Variants in PEX1 observed in about 807,000 individuals in gnomAD.
The protein encoded by PEX1 is peroxisomal ATPase PEX1.
Under a neutral mutation model 152.5 loss-of-function variants are expected in PEX1, and 97 were observed. That is an observed-to-expected ratio of 0.64 (90% CI 0.54 to 0.75). The LOEUF is 0.75. Among genes scored for constraint, PEX1 ranks in the 30% least tolerant of loss-of-function variants. The pLI is 0.00. For synonymous variants in PEX1, 485 were observed against 531.6 expected, an observed-to-expected ratio of 0.91 and a Z score of 1.21; for missense variants, 1,357 against 1,516.3, an observed-to-expected ratio of 0.89 and a Z score of 1.74.
At chr7:92,514,032 C>G (rs560264310) in intron 5 of PEX1, 65 bp from the exon 6 acceptor site, 14 of 1,029,624 alleles carry the variant, frequency 1.4e-5, no homozygotes, top group Non-Finnish European at 2.0e-5. Context: ...TATTTCATAG[C>G]ATAAATATTG....
Position 92,489,903 on chromosome 7 carries a change from T to C in PEX1, c.3447A>G (p.Gln1149=), listed in dbSNP as rs781059210. 9 of 1,613,042 alleles carry C rather than the reference T, an allele frequency of 5.6e-6. No homozygotes were observed. The highest frequency in any genetic ancestry group is 1.7e-4 in the Middle Eastern group (1 of 6,050). ...GNGTSSDLSS[Q]CLSAPSSMTQ... ...TCATGGAGCTTGGTGCAGAGAGACA[T>C]TGTGAGCTCTGCATGGTAAATTGTA... is the stretch of plus-strand genomic sequence containing the variant. Residue 1149 remains glutamine (Q), a synonymous_variant, in exon 22 of 24, where the codon CAA becomes CAG. Transcript: ENST00000248633.
intron 15 of PEX1, among the ~76,000 whole-genome samples, chr7:92,501,153 C>T (rs968922367): frequency 4.6e-5 from 7 of 152,056 alleles, no homozygotes; most frequent in Non-Finnish European, 7.4e-5. Flanking sequence ...AGCAAGACTC[C>T]GTCTCTAAGA....
chr7:92,514,271 C>CT (rs1792618390), intron 5 of PEX1, among the ~76,000 whole-genome samples: 1 of 152,152 alleles, frequency 6.6e-6, no homozygotes, highest in South Asian at 2.1e-4. Flanking sequence ...CTAATACGAT[C>CT]ACCTTGGGAG....
intron 1 of PEX1, 119 bp from the exon 2 acceptor site, chr7:92,522,364 G>C: frequency 1.1e-6 from 1 of 940,086 alleles, no homozygotes; most frequent in Non-Finnish European, 1.6e-6. Flanking sequence ...ATAGTTCTCT[G>C]TTATCTACAT....
Position 92,507,974 on chromosome 7 carries a change from T to A in PEX1, c.1671-848A>T, listed in dbSNP as rs149583321. On this transcript the variant is annotated intron_variant, in intron 9 of 23. Coordinates refer to ENST00000248633, the MANE Select transcript of PEX1 (RefSeq NM_000466.3). ...CTTTTAAAATTAGTTTTATTACTTT[T>A]AAAATATGCAGTTACTAAAAGTTTT... is the stretch of plus-strand genomic sequence containing the variant. Among the ~76,000 whole-genome samples the A allele has an allele frequency of 3.9e-3, 596 of 152,240 alleles. 2 individuals are homozygous for A. The highest frequency in any genetic ancestry group is 0.014 in the African/African-American group (581 of 41,540).
chr7:92,522,611 C>G (rs990797262), intron 1 of PEX1, among the ~76,000 whole-genome samples: 1 of 152,208 alleles, frequency 6.6e-6, no homozygotes, highest in Admixed American at 6.5e-5. Flanking sequence ...CAAAAGCTAT[C>G]TGTGCAGTAT....
rs376770613 is a variant in PEX1 at position 92,513,622 on chromosome 7, T to C, written c.1359+226A>G. Among the ~76,000 whole-genome samples the C allele has an allele frequency of 7.3e-4, 111 of 152,254 alleles. 2 individuals are homozygous for C. The highest frequency in any genetic ancestry group is 2.6e-3 in the African/African-American group (106 of 41,546). ...TGGGGTGATGGAAAAGTTCTGGATA[T>C]AGATAGTGGTGATGGTTGTACAATA... On this transcript the variant is annotated intron_variant, in intron 6 of 23. Transcript: ENST00000248633.
chr7:92,498,652 A>T (rs1159274871), intron 16 of PEX1, among the ~76,000 whole-genome samples: 1 of 152,224 alleles, frequency 6.6e-6, no homozygotes, highest in African/African-American at 2.4e-5. Flanking sequence ...AAGATACTGG[A>T]TCTGCGACCA....
intron 13 of PEX1, 113 bp downstream of exon 13, chr7:92,502,928 C>T (rs569549082): frequency 5.5e-6 from 5 of 901,506 alleles, no homozygotes; most frequent in Non-Finnish European, 8.9e-6. Context: ...ACTTACATAT[C>T]CTTAAAATCA....
At position 92,506,199 on chromosome 7, in the gene PEX1, GTCTT is replaced by G. The variant is rs749172761; in HGVS notation, c.1900+45_1900+48del. ...TGACAGCATTATGTATAACATTCCTGTCTTTCTAATGAAAAAGGGATTTATATAG... is the reference window on the plus strand; with the variant it reads ...TGACAGCATTATGTATAACATTCCTGTCTAATGAAAAAGGGATTTATATAG... On this transcript the variant is annotated intron_variant, in intron 11 of 23. Transcript: ENST00000248633. The G allele has an allele frequency of 1.6e-5, 16 of 970,566 alleles. No homozygotes were observed. The East Asian group carries it at 3.3e-4, about 20-fold the overall frequency. 60.1% of individuals were successfully genotyped at this position (970,566 alleles called of 1,614,324 possible).
intron 6 of PEX1, among the ~76,000 whole-genome samples, 193 bp downstream of exon 6, chr7:92,513,655 T>C (rs988821018): frequency 6.6e-6 from 1 of 152,186 alleles, no homozygotes; most frequent in Non-Finnish European, 1.5e-5. Context: ...ATATTATGAA[T>C]GTAATTAATG....
intron 12 of PEX1, among the ~76,000 whole-genome samples, chr7:92,504,262 G>C (rs1412230964): frequency 6.6e-6 from 1 of 151,806 alleles, no homozygotes; most frequent in Non-Finnish European, 1.5e-5. Context: ...TCCATTTATT[G>C]ACCTGTAAAG....
chr7:92,508,243 TGA>T (rs1792293120), intron 9 of PEX1, among the ~76,000 whole-genome samples: 2 of 152,168 alleles, frequency 1.3e-5, no homozygotes, highest in African/African-American at 4.8e-5. Flanking sequence ...CATGATCACA[TGA>T]GAGTCTGAAG....
chr7:92,492,782 T>C (rs1791409115), intron 20 of PEX1, among the ~76,000 whole-genome samples, 171 bp downstream of exon 20: 1 of 152,232 alleles, frequency 6.6e-6, no homozygotes, highest in East Asian at 1.9e-4. Flanking sequence ...TTATAAATTC[T>C]CTGCAAAACC....
rs1196074496 is a variant in PEX1, at chr7:92,528,467, C to T, written c.-32G>A. ...GGAGCGTCGCTCTGGGTTCGCCCAC[C>T]CTAGCGCCGCAAAGGACCCGGGACC... On this transcript the variant is annotated 5_prime_UTR_variant, in exon 1 of 24. Transcript: ENST00000248633. 7.1e-6 allele frequency: 11 copies of T among 1,550,756 alleles called. No individual in the cohort carries two copies. Among genetic ancestry groups the T allele is most frequent in the Non-Finnish European group, 9.6e-6 (11 of 1,149,628 alleles).
At position 92,517,729 on chromosome 7, in the gene PEX1, C is replaced by T. The variant is rs770453102; in HGVS notation, c.786G>A (p.Glu262=). 28 of 1,609,982 alleles carry T rather than the reference C, an allele frequency of 1.7e-5. No homozygotes were observed. In the African/African-American group the frequency reaches 3.5e-4, roughly 20 times the overall value. The change falls in exon 5 of 24, where the codon GAG becomes GAA. Residue 262 remains glutamate (E), a synonymous_variant. Transcript: ENST00000248633. ...IFSFQSEKKQ[E]TSWGLTEINA... ...TGATTTCAGTTAAACCCCAAGATGTCTCTTGTTTCTTCTCAGATTGAAAGG... is the reference window on the plus strand; with the variant it reads ...TGATTTCAGTTAAACCCCAAGATGTTTCTTGTTTCTTCTCAGATTGAAAGG...
Position 92,522,250 on chromosome 7 carries a change from T to A in PEX1, c.130-5A>T, listed in dbSNP as rs764946946. The A allele has an allele frequency of 4.3e-6, 7 of 1,613,714 alleles. No homozygotes were observed. The highest frequency in any genetic ancestry group is 5.9e-6 in the Non-Finnish European group (7 of 1,179,880). On this transcript the variant is annotated splice_polypyrimidine_tract_variant and splice_region_variant and intron_variant, in intron 1 of 23. Transcript: ENST00000248633. Reference sequence around the variant, plus strand: ...GACCACTTCTATAGCTTGATTCTATTCATATAAGAAATGAGAGGAAAAAAG... The same window carrying A: ...GACCACTTCTATAGCTTGATTCTATACATATAAGAAATGAGAGGAAAAAAG...
intron 17 of PEX1, among the ~76,000 whole-genome samples, chr7:92,495,229 C>T (rs183458502): frequency 9.2e-5 from 14 of 151,952 alleles, no homozygotes; most frequent in African/African-American, 3.1e-4. Flanking sequence ...AATTTTAATT[C>T]AAAATAAGTG....
Position 92,513,852 on chromosome 7 carries a change from TTC to T in PEX1, c.1353_1354del (p.Asn452PhefsTer3). On this transcript the variant is annotated frameshift_variant, in exon 6 of 24. Coordinates refer to ENST00000248633, the MANE Select transcript of PEX1 (RefSeq NM_000466.3). LOFTEE classifies it high-confidence loss of function. ...AACATATATATTTGAACTCACTAAATTCTCTCTAGGTTGTAACTTTAGAGATC... is the reference window on the plus strand; with the variant it reads ...AACATATATATTTGAACTCACTAAATTCTCTAGGTTGTAACTTTAGAGATC... The T allele has an allele frequency of 6.3e-7, 1 of 1,597,930 alleles. No homozygotes were observed. Among genetic ancestry groups the T allele is most frequent in the Non-Finnish European group, 8.6e-7 (1 of 1,166,222 alleles).
Sources: gnomAD v4.1 joint callset for allele counts (sites outside exome capture counted in the v4.1 genomes callset) on GRCh38, gnomAD v4.1.1 for gene constraint, MANE v1.5 for transcripts, NCBI Gene and HGNC (gene_info 2026-07-23, HGNC 2026-07-21) for gene names.